MAGI2: variants seen among roughly 807,000 people sequenced by gnomAD.
The protein encoded by MAGI2 is membrane associated guanylate kinase, WW and PDZ domain containing 2, also known as membrane-associated guanylate kinase, WW and PDZ domain-containing protein 2.
In MAGI2, 35 loss-of-function variants were observed where a neutral mutation model predicts 133.3. The observed-to-expected ratio is 0.26, with a 90% CI of 0.20 to 0.35. MAGI2 has a LOEUF of 0.35. MAGI2 is among the 10% of genes least tolerant of loss of function. The pLI is 1.00. For missense variants in MAGI2, 1,636 were observed against 1,863.4 expected (o/e 0.88, Z 2.25); for synonymous variants, 729 against 710.6 (o/e 1.03, Z -0.41).
intron 2 of MAGI2, among the ~76,000 whole-genome samples, chr7:78,724,047 C>A (rs969643124): frequency 6.6e-6 from 1 of 152,142 alleles, no homozygotes; most frequent in African/African-American, 2.4e-5. Context: ...GAAAGTCAAT[C>A]ACTGAGACAA....
At chr7:78,496,762 T>C (rs1217598536) in intron 5 of MAGI2, among the ~76,000 whole-genome samples, 1 of 152,106 alleles carries the variant, frequency 6.6e-6, no homozygotes, top group African/African-American at 2.4e-5. Context: ...TGATGTGAAG[T>C]AGGCATCACA....
chr7:79,188,915 C>G (rs1246531832), intron 1 of MAGI2, among the ~76,000 whole-genome samples: 1 of 151,842 alleles, frequency 6.6e-6, no homozygotes, highest in East Asian at 1.9e-4. Context: ...CTCTAACTTA[C>G]TTTTCTTCCT....
chr7:78,277,837 CTG>C (rs1795199210), intron 9 of MAGI2, among the ~76,000 whole-genome samples: 1 of 152,046 alleles, frequency 6.6e-6, no homozygotes, highest in African/African-American at 2.4e-5. Flanking sequence ...GATGTGGTGG[CTG>C]TCTATCTACT....
At chr7:79,069,819 G>T (rs1814771740) in intron 1 of MAGI2, among the ~76,000 whole-genome samples, 1 of 152,110 alleles carries the variant, frequency 6.6e-6, no homozygotes, top group Non-Finnish European at 1.5e-5. Context: ...AAATCTCTCA[G>T]CATTTGCTTG....
At chr7:78,207,475 G>T (rs1563261568) in intron 10 of MAGI2, among the ~76,000 whole-genome samples, 1 of 152,104 alleles carries the variant, frequency 6.6e-6, no homozygotes, top group Non-Finnish European at 1.5e-5. Flanking sequence ...CCACAGCCTG[G>T]AAAACAGACC....
chr7:79,112,085 G>A (rs1374647704), intron 1 of MAGI2, among the ~76,000 whole-genome samples: 1 of 151,854 alleles, frequency 6.6e-6, no homozygotes, highest in Non-Finnish European at 1.5e-5. Context: ...GAGAGGTATA[G>A]TAACTTGTAA....
chr7:79,204,068 CAGAG>C (rs1163555867), intron 1 of MAGI2, among the ~76,000 whole-genome samples: 4 of 152,008 alleles, frequency 2.6e-5, no homozygotes, highest in African/African-American at 9.7e-5. Context: ...TGCCACAGCA[CAGAG>C]AGAGATACAG....
chr7:78,282,522 T>C (rs1031287036), intron 9 of MAGI2, among the ~76,000 whole-genome samples: 3 of 148,330 alleles, frequency 2.0e-5, no homozygotes, highest in Non-Finnish European at 4.6e-5. Context: ...GCCAAGAATA[T>C]TTACTATCTA....
chr7:78,185,773 C>T, intron 12 of MAGI2, 103 bp from the exon 13 acceptor site: 1 of 806,034 alleles, frequency 1.2e-6, no homozygotes, highest in East Asian at 2.6e-5. Context: ...CAACCACAAT[C>T]TCATACTTAT....
At chr7:79,020,513 T>C (rs1047970593) in intron 1 of MAGI2, among the ~76,000 whole-genome samples, 1 of 152,098 alleles carries the variant, frequency 6.6e-6, no homozygotes, top group African/African-American at 2.4e-5. Context: ...ATGCCTGTAA[T>C]CCCAGCACTT....
chr7:79,444,566 G>A (rs1391451431), intron 1 of MAGI2, among the ~76,000 whole-genome samples: 1 of 151,978 alleles, frequency 6.6e-6, no homozygotes, highest in Admixed American at 6.5e-5. Flanking sequence ...ATTCACAATT[G>A]CTTCAAAGAG....
Position 78,017,685 on chromosome 7 carries a change from T to C in MAGI2, c.*1630A>G, listed in dbSNP as rs186051587. The C allele has an allele frequency of 4.6e-4, 70 of 152,804 alleles. No homozygotes were observed. The highest frequency in any genetic ancestry group is 1.4e-3 in the African/African-American group (58 of 41,594). The allele number at this position is 152,804 out of a possible 1,614,324, so 9.5% of individuals were successfully genotyped here. On this transcript the variant is annotated 3_prime_UTR_variant, in exon 22 of 22. Coordinates refer to ENST00000354212, the MANE Select transcript of MAGI2 (RefSeq NM_012301.4). ...CCTTCACTTGAGGCTTTCAGCCTTA[T>C]TCTCCTCCTGTCAAACAACTAAACT...
At chr7:78,900,583 A>C (rs1374901828) in intron 2 of MAGI2, among the ~76,000 whole-genome samples, 5 of 152,078 alleles carry the variant, frequency 3.3e-5, no homozygotes, top group African/African-American at 1.2e-4. Flanking sequence ...ACTTGCTCAG[A>C]TATCATCTCA....
chr7:78,469,860 G>A (rs571140452), intron 6 of MAGI2, among the ~76,000 whole-genome samples: 3 of 152,204 alleles, frequency 2.0e-5, no homozygotes, highest in East Asian at 1.9e-4. Context: ...ATAATAAAAC[G>A]AAAGGAAATC....
At chr7:79,220,009 T>C (rs1830319197) in intron 1 of MAGI2, among the ~76,000 whole-genome samples, 1 of 152,058 alleles carries the variant, frequency 6.6e-6, no homozygotes, top group South Asian at 2.1e-4. Flanking sequence ...AGGGAGCAAT[T>C]AATAGTGTTT....
At chr7:79,344,135 T>C (rs1259276384) in intron 1 of MAGI2, among the ~76,000 whole-genome samples, 1 of 151,948 alleles carries the variant, frequency 6.6e-6, no homozygotes, top group African/African-American at 2.4e-5. Context: ...TCAAACTCTG[T>C]GAACTAGAGA....
In MAGI2 at chr7:79,266,383, A is replaced by T. The variant is rs149025567; in HGVS notation, c.301+186637T>A. Among the ~76,000 whole-genome samples the T allele has an allele frequency of 6.6e-4, 100 of 151,910 alleles. No individual in the cohort carries two copies. In the East Asian group the frequency reaches 0.011, roughly 17 times the overall value. ...GCTAAAGATACCCTTATTTTTCCAA[A>T]CCATCACAGTGTCATTTGTTCCCAA... On this transcript the variant is annotated intron_variant, in intron 1 of 21. Transcript: ENST00000354212.
At chr7:78,843,636 G>C (rs1444875016) in intron 2 of MAGI2, among the ~76,000 whole-genome samples, 1 of 151,640 alleles carries the variant, frequency 6.6e-6, no homozygotes, top group East Asian at 1.9e-4. Context: ...TGTGTTTATA[G>C]GTTGTAGTCT....
chr7:78,438,201 C>T (rs1787239067), intron 6 of MAGI2, among the ~76,000 whole-genome samples: 1 of 151,832 alleles, frequency 6.6e-6, no homozygotes, highest in Admixed American at 6.6e-5. Flanking sequence ...AAACTCTATA[C>T]TATCAAACTT....
Sources: gnomAD v4.1 joint callset for allele counts (sites outside exome capture counted in the v4.1 genomes callset) on GRCh38, gnomAD v4.1.1 for gene constraint, MANE v1.5 for transcripts, NCBI Gene and HGNC (gene_info 2026-07-23, HGNC 2026-07-21) for gene names.